The following TGFB2 variants were observed in gnomAD, a reference collection of about 807,000 sequenced individuals.
The protein encoded by TGFB2 is transforming growth factor beta 2, also known as transforming growth factor beta-2 proprotein.
Under a neutral mutation model 42.7 loss-of-function variants are expected in TGFB2, and 13 were observed. That is an observed-to-expected ratio of 0.30 (90% CI 0.20 to 0.48). TGFB2 has a LOEUF of 0.48. Ranked by LOEUF, TGFB2 falls within the 20% of genes least tolerant of loss-of-function variation. The probability of loss-of-function intolerance (pLI) is 0.99; values close to 1 mark genes in which losing one functional copy is unlikely to be tolerated. For missense variants in TGFB2, 390 were observed against 517.5 expected, an observed-to-expected ratio of 0.75 and a Z score of 2.39; for synonymous variants, 193 against 193.6, an observed-to-expected ratio of 1.00 and a Z score of 0.03.
At chr1:218,364,158 T>C (rs1657309116) in intron 1 of TGFB2, among the ~76,000 whole-genome samples, 1 of 152,226 alleles carries the variant, frequency 6.6e-6, no homozygotes, top group African/African-American at 2.4e-5. Context: ...TGATTATTTG[T>C]GACCTTTGTA....
At chr1:218,423,223 G>T (rs528795266) in intron 2 of TGFB2, among the ~76,000 whole-genome samples, 1 of 152,314 alleles carries the variant, frequency 6.6e-6, no homozygotes, top group East Asian at 1.9e-4. Context: ...CAATGAATAT[G>T]TATTCTACCA....
chr1:218,371,525 T>C (rs1657569841), intron 1 of TGFB2, among the ~76,000 whole-genome samples: 1 of 152,166 alleles, frequency 6.6e-6, no homozygotes, highest in Non-Finnish European at 1.5e-5. Flanking sequence ...AAGATGAGTT[T>C]ATCTATTTTA....
chr1:218,352,176 C>A (rs550653624), intron 1 of TGFB2, among the ~76,000 whole-genome samples: 2 of 150,790 alleles, frequency 1.3e-5, no homozygotes, highest in Non-Finnish European at 3.0e-5. Context: ...GGTGAGCAGC[C>A]GAGCAAGAGA....
chr1:218,388,793 T>C (rs943095215), intron 1 of TGFB2, among the ~76,000 whole-genome samples: 1 of 152,202 alleles, frequency 6.6e-6, no homozygotes, highest in Non-Finnish European at 1.5e-5. Context: ...TTCACAATCA[T>C]AATGAAGAGA....
At chr1:218,354,763 G>T (rs1036660954) in intron 1 of TGFB2, among the ~76,000 whole-genome samples, 2 of 152,248 alleles carry the variant, frequency 1.3e-5, no homozygotes, top group Non-Finnish European at 2.9e-5. Context: ...CTGTTAACAA[G>T]AATTACATTC....
In TGFB2 at chr1:218,375,554, A is replaced by G. The variant is rs375459645; in HGVS notation, c.346+28507A>G. 1.6e-4 allele frequency among the ~76,000 whole-genome samples: 25 copies of G among 152,288 alleles called. No homozygotes were observed. The South Asian group carries it at 4.6e-3, about 28-fold the overall frequency. ...GAGTAAATTGTCATTCATTCAATCA[A>G]TCATTTTAAGGTGATCATTGAAGAC... is the stretch of plus-strand genomic sequence containing the variant. On this transcript the variant is annotated intron_variant, in intron 1 of 6. Coordinates refer to ENST00000366930, the MANE Select transcript of TGFB2 (RefSeq NM_003238.6).
At chr1:218,405,384 A>T in intron 2 of TGFB2, 52 bp downstream of exon 2, 2 of 1,525,674 alleles carry the variant, frequency 1.3e-6, no homozygotes, top group Non-Finnish European at 1.8e-6. Flanking sequence ...TTTTAGACAG[A>T]CTCTCTCTCT....
chr1:218,438,347 A>T (rs1292515486), intron 6 of TGFB2, among the ~76,000 whole-genome samples: 1 of 152,210 alleles, frequency 6.6e-6, no homozygotes, highest in Non-Finnish European at 1.5e-5. Context: ...TATTAGAAAG[A>T]ACATTGGGGA....
intron 1 of TGFB2, among the ~76,000 whole-genome samples, chr1:218,347,603 G>A (rs1656732604): frequency 6.6e-6 from 1 of 152,076 alleles, no homozygotes; most frequent in African/African-American, 2.4e-5. Flanking sequence ...ACAAAACCCG[G>A]TTTGGAGACC....
intron 1 of TGFB2, among the ~76,000 whole-genome samples, chr1:218,368,358 A>T (rs1189124066): frequency 6.6e-6 from 1 of 150,436 alleles, no homozygotes; most frequent in Non-Finnish European, 1.5e-5. Flanking sequence ...ACTGGTCTCG[A>T]ACTCCTAAAC....
At chr1:218,383,871 A>T (rs1350577059) in intron 1 of TGFB2, among the ~76,000 whole-genome samples, 1 of 152,240 alleles carries the variant, frequency 6.6e-6, no homozygotes, top group Admixed American at 6.5e-5. Context: ...GTAGAGAGTA[A>T]ACATGTACTG....
At chr1:218,437,544 C>A in intron 6 of TGFB2, 48 bp downstream of exon 6, 5 of 1,543,316 alleles carry the variant, frequency 3.2e-6, no homozygotes, top group South Asian at 1.3e-5. Context: ...TTACCATGTG[C>A]ACCTGCTGAT....
chr1:218,434,738 G>A (rs2102627171), intron 4 of TGFB2, among the ~76,000 whole-genome samples: 1 of 152,222 alleles, frequency 6.6e-6, no homozygotes, highest in Admixed American at 6.5e-5. Context: ...CTTCATTGTA[G>A]CAAACCAACT....
At chr1:218,395,643 G>A (rs868673731) in intron 1 of TGFB2, among the ~76,000 whole-genome samples, 6 of 142,130 alleles carry the variant, frequency 4.2e-5, no homozygotes, top group East Asian at 2.0e-4. Flanking sequence ...ATGGAGTCTC[G>A]CTCTGTCGCC....
intron 1 of TGFB2, among the ~76,000 whole-genome samples, chr1:218,383,323 G>A (rs1215530529): frequency 6.6e-6 from 1 of 152,206 alleles, no homozygotes; most frequent in East Asian, 1.9e-4. Flanking sequence ...GAATTTGCAA[G>A]TGACCTTTAT....
intron 1 of TGFB2, among the ~76,000 whole-genome samples, chr1:218,387,592 G>A (rs1174965462): frequency 2.0e-5 from 3 of 151,970 alleles, no homozygotes; most frequent in Non-Finnish European, 4.4e-5. Flanking sequence ...AGGGAACCGA[G>A]GCCTGGGAAG....
Position 218,346,616 on chromosome 1 carries a change from C to G in TGFB2, c.-86C>G, listed in dbSNP as rs1656686732. On this transcript the variant is annotated 5_prime_UTR_variant, in exon 1 of 7. Coordinates refer to ENST00000366930, the MANE Select transcript of TGFB2 (RefSeq NM_003238.6). The surrounding 1 kb of genome is among the most constrained non-coding windows in gnomAD (Gnocchi z 4.9). ...AACAACAACAAAAAACCAAACAACT[C>G]TCCTTGATCTATACTTTGAGAATTG... 2.4e-6 allele frequency: 3 copies of G among 1,244,172 alleles called. No individual in the cohort carries two copies. Among genetic ancestry groups the G allele is most frequent in the Non-Finnish European group, 3.3e-6 (3 of 908,186 alleles). 77.1% of individuals were successfully genotyped at this position (1,244,172 alleles called of 1,614,324 possible).
intron 1 of TGFB2, among the ~76,000 whole-genome samples, chr1:218,360,606 C>T (rs1310504183): frequency 1.3e-5 from 2 of 152,134 alleles, no homozygotes; most frequent in African/African-American, 4.8e-5. Flanking sequence ...AGCAAACCAC[C>T]ATGGCACACG....
chr1:218,437,434 A>G lies in TGFB2; in HGVS notation c.1024A>G (p.Asn342Asp). The G allele has an allele frequency of 6.2e-7, 1 of 1,613,768 alleles. No individual in the cohort carries two copies. The highest frequency in any genetic ancestry group is 8.5e-7 in the Non-Finnish European group (1 of 1,179,872). Residue 342 changes from asparagine to aspartate, a missense_variant, in exon 6 of 7, where the codon AAT becomes GAT. Physicochemically the swap from Asn to Asp is conservative, Grantham distance 23. Transcript: ENST00000366930. ...ATGGATACACGAACCCAAAGGGTAC[A>G]ATGCCAACTTCTGTGCTGGAGCATG... The part of the protein sequence containing the change: ...WKWIHEPKGY[N>D]ANFCAGACPY...
Sources: allele counts gnomAD v4.1 joint callset (sites outside exome capture counted in the v4.1 genomes callset), GRCh38; gene constraint gnomAD v4.1.1; non-coding constraint Gnocchi (gnomAD v3.1); transcripts MANE v1.5; gene names NCBI Gene and HGNC (gene_info 2026-07-23, HGNC 2026-07-21).